PRPF38B: variants seen among roughly 807,000 people sequenced by gnomAD.
The protein encoded by PRPF38B is pre-mRNA processing factor 38B, also known as pre-mRNA-splicing factor 38B.
In PRPF38B, 18 loss-of-function variants were observed where a neutral mutation model predicts 67.2. The ratio of observed to expected loss-of-function variants is 0.27; its 90% CI spans 0.19 to 0.40. The LOEUF (loss-of-function observed/expected upper bound fraction) is 0.40, where lower values mean the gene tolerates loss of function less well. Ranked by LOEUF, PRPF38B falls within the 10% of genes least tolerant of loss-of-function variation. The probability of loss-of-function intolerance (pLI) is 1.00; values close to 1 mark genes in which losing one functional copy is unlikely to be tolerated. For missense variants in PRPF38B, 544 were observed against 684.9 expected (o/e 0.79, Z 2.30); for synonymous variants, 246 against 234.2 (o/e 1.05, Z -0.46).
At position 108,702,009 on chromosome 1, in the gene PRPF38B, TCTGA is replaced by T. The variant is rs1367932343; in HGVS notation, c.*1992_*1995del. Reference sequence around the variant, plus strand: ...ATATGGTTCCATGTGAAATGTTTTATCTGACTATTTTAAGTAAAATGTGGAAAGA... The same window carrying T: ...ATATGGTTCCATGTGAAATGTTTTATCTATTTTAAGTAAAATGTGGAAAGA... On this transcript the variant is annotated 3_prime_UTR_variant, in exon 6 of 6. Transcript: ENST00000370025. Among the ~76,000 whole-genome samples the T allele has an allele frequency of 1.3e-5, 2 of 152,242 alleles. No homozygotes were observed. The highest frequency in any genetic ancestry group is 4.8e-5 in the African/African-American group (2 of 41,460).
Position 108,692,366 on chromosome 1 carries a change from C to T in PRPF38B, c.-226C>T, listed in dbSNP as rs1231505412. The T allele has an allele frequency of 3.5e-6, 2 of 565,562 alleles. No homozygotes were observed. Among genetic ancestry groups the T allele is most frequent in the Non-Finnish European group, 6.2e-6 (2 of 322,040 alleles). The allele number at this position is 565,562 out of a possible 1,614,324, so 35.0% of individuals were successfully genotyped here. A position where few individuals can be genotyped will look rare whatever the true frequency, so the allele number is the denominator to read the frequency against. On this transcript the variant is annotated 5_prime_UTR_variant, in exon 1 of 6. Transcript: ENST00000370025. ...ATCGAGCTCCCTGGCTGCCGGCTCGCCTTCTGCGTGGAGTTCTCGCGGTCT... is the reference window on the plus strand; with the variant it reads ...ATCGAGCTCCCTGGCTGCCGGCTCGTCTTCTGCGTGGAGTTCTCGCGGTCT...
In PRPF38B at chr1:108,701,898, C is replaced by G. The variant is rs1314916558; in HGVS notation, c.*1878C>G. The G allele has an allele frequency of 6.6e-6, 1 of 152,024 alleles. No individual in the cohort carries two copies. The highest frequency in any genetic ancestry group is 2.4e-5 in the African/African-American group (1 of 41,378). The allele number at this position is 152,024 out of a possible 1,614,324, so 9.4% of individuals were successfully genotyped here. On this transcript the variant is annotated 3_prime_UTR_variant, in exon 6 of 6. Transcript: ENST00000370025. ...ATAGACACCCAGAAGTTAGAAAAAC[C>G]TATTGTATAATATGAAAGCCACTAA...
intron 1 of PRPF38B, 117 bp downstream of exon 1, chr1:108,692,984 C>T (rs779944964): frequency 1.1e-4 from 150 of 1,314,598 alleles, no homozygotes; most frequent in Non-Finnish European, 1.5e-4. Flanking sequence ...GGTGGTTCGG[C>T]GGAGGGGTGG....
chr1:108,700,723 A>C lies in PRPF38B; in HGVS notation c.*703A>C, dbSNP rs1660400478. 6.6e-6 allele frequency: 1 copy of C among 152,624 alleles called. No homozygotes were observed. Among genetic ancestry groups the C allele is most frequent in the African/African-American group, 2.4e-5 (1 of 41,448 alleles). The allele number at this position is 152,624 out of a possible 1,614,324, so 9.5% of individuals were successfully genotyped here. ...TAGTATGCCTAAAATTTATTCACTT[A>C]GTTTTCCTTTTTTATTTGAAAAAAT... On this transcript the variant is annotated 3_prime_UTR_variant, in exon 6 of 6. Transcript: ENST00000370025.
At position 108,700,289 on chromosome 1, in the gene PRPF38B, C is replaced by A. The variant is rs191395567; in HGVS notation, c.*269C>A. On this transcript the variant is annotated 3_prime_UTR_variant, in exon 6 of 6. Transcript: ENST00000370025. ...GAAATGTACAGTCTGTACATATGTC[C>A]TGAAAATGTTTTAATTCCTTTGGCA... 8 of 382,582 alleles carry A rather than the reference C, an allele frequency of 2.1e-5. No individual in the cohort carries two copies. In the Admixed American group the frequency reaches 2.8e-4, roughly 13 times the overall value. The allele number at this position is 382,582 out of a possible 1,614,324, so 23.7% of individuals were successfully genotyped here.
At position 108,692,380 on chromosome 1, in the gene PRPF38B, T is replaced by G; in HGVS notation, c.-212T>G. 2 of 571,742 alleles carry G rather than the reference T, an allele frequency of 3.5e-6. No individual in the cohort carries two copies. Among genetic ancestry groups the G allele is most frequent in the Non-Finnish European group, 6.1e-6 (2 of 328,432 alleles). The allele number at this position is 571,742 out of a possible 1,614,324, so 35.4% of individuals were successfully genotyped here. A position where few individuals can be genotyped will look rare whatever the true frequency, so the allele number is the denominator to read the frequency against. On this transcript the variant is annotated 5_prime_UTR_variant, in exon 1 of 6. Transcript: ENST00000370025. ...CTGCCGGCTCGCCTTCTGCGTGGAG[T>G]TCTCGCGGTCTGGGTTTCGCTGTCT...
chr1:108,698,861 T>C, intron 5 of PRPF38B, 34 bp downstream of exon 5: 1 of 1,532,518 alleles, frequency 6.5e-7, no homozygotes, highest in Non-Finnish European at 9.0e-7. Flanking sequence ...TTATTTTTCA[T>C]ATATGCTTTA....
chr1:108,695,981 C>T, intron 2 of PRPF38B, 62 bp from the exon 3 acceptor site: 2 of 1,520,708 alleles, frequency 1.3e-6, no homozygotes, highest in Non-Finnish European at 1.8e-6. Context: ...CAGGATTAAT[C>T]AATTGGTGTT....
chr1:108,695,612 G>A, intron 1 of PRPF38B, 90 bp from the exon 2 acceptor site: 1 of 1,237,880 alleles, frequency 8.1e-7, no homozygotes, highest in Non-Finnish European at 1.1e-6. Flanking sequence ...TGGAAGAGCT[G>A]CTCTATTATG....
chr1:108,696,221 A>G, intron 3 of PRPF38B, 27 bp downstream of exon 3: 1 of 1,611,196 alleles, frequency 6.2e-7, no homozygotes, highest in Non-Finnish European at 8.5e-7. Context: ...GTACATTTCC[A>G]GTAAATATCT....
intron 2 of PRPF38B, 121 bp from the exon 3 acceptor site, chr1:108,695,922 C>T: frequency 1.5e-6 from 2 of 1,357,990 alleles, no homozygotes; most frequent in South Asian, 2.7e-5. Context: ...AAAAGTGTTA[C>T]TTTTTAATGC....
intron 4 of PRPF38B, chr1:108,697,334 A>G (rs985629072): frequency 2.0e-5 from 3 of 152,262 alleles, no homozygotes; most frequent in Non-Finnish European, 2.9e-5. Context: ...TATTGTCCCT[A>G]TGTCTACCCA....
rs1348600635 is a variant in PRPF38B, at chr1:108,696,334, A to T, written c.555A>T (p.Glu185Asp). 3.1e-6 allele frequency: 5 copies of T among 1,608,394 alleles called. No individual in the cohort carries two copies. Among genetic ancestry groups the T allele is most frequent in the Non-Finnish European group, 1.7e-6 (2 of 1,175,982 alleles). ...GGTTTGAATCCTTCCTTGATGATGA[A>T]GAGGTATGTCAACAAGGGTAATAAT... Reference protein sequence around the residue: ...WDWFESFLDDEEDLDVKAGGG... With the variant: ...WDWFESFLDDDEDLDVKAGGG... The change falls in exon 4 of 6, where the codon GAA becomes GAT. Residue 185 changes from glutamate (E) to aspartate (D), a missense_variant. By Grantham distance (45) the Glu-to-Asp change is conservative (BLOSUM62 2). Coordinates refer to ENST00000370025, the MANE Select transcript of PRPF38B (RefSeq NM_018061.4).
intron 4 of PRPF38B, 115 bp downstream of exon 4, chr1:108,696,452 A>C: frequency 4.3e-6 from 4 of 923,534 alleles, no homozygotes; most frequent in Non-Finnish European, 6.5e-6. Context: ...AATTTATTTC[A>C]GTGAGATACT....
intron 5 of PRPF38B, 142 bp downstream of exon 5, chr1:108,698,969 TCTTC>T (rs1660158710): frequency 1.5e-6 from 2 of 1,341,594 alleles, no homozygotes; most frequent in Non-Finnish European, 2.0e-6. Context: ...AAGATTATTT[TCTTC>T]CTTTCAGGGC....
In PRPF38B at chr1:108,702,623, G is replaced by A. The variant is rs1444094408; in HGVS notation, c.*2603G>A. Among the ~76,000 whole-genome samples the A allele has an allele frequency of 1.3e-5, 2 of 151,974 alleles. No homozygotes were observed. Among genetic ancestry groups the A allele is most frequent in the African/African-American group, 2.4e-5 (1 of 41,346 alleles). On this transcript the variant is annotated 3_prime_UTR_variant, in exon 6 of 6. Transcript: ENST00000370025. ...GAACATTTGGACACGAACATCACAC[G>A]CCGGGGCCTGTTGTGGGGTGGGGGA...
At chr1:108,698,565 CTT>C (rs577281211) in intron 4 of PRPF38B, 37 bp from the exon 5 acceptor site, 1 of 1,420,100 alleles carries the variant, frequency 7.0e-7, no homozygotes, top group African/African-American at 1.4e-5. Flanking sequence ...TATGGAAATA[CTT>C]TTTTTGACGG....
rs1296583933 is a variant in PRPF38B, at chr1:108,700,251, ATTGT to A, written c.*238_*241del. The A allele has an allele frequency of 1.2e-5, 8 of 676,292 alleles. No homozygotes were observed. The highest frequency in any genetic ancestry group is 3.5e-5 in the East Asian group (1 of 28,672). The allele number at this position is 676,292 out of a possible 1,614,324, so 41.9% of individuals were successfully genotyped here. A position where few individuals can be genotyped will look rare whatever the true frequency, so the allele number is the denominator to read the frequency against. On this transcript the variant is annotated 3_prime_UTR_variant, in exon 6 of 6. Transcript: ENST00000370025. ...ATGCACAGATTGTTCTTGCATTTTT[ATTGT>A]TTGTTTTTGAAATGTACAGTCTGTA...
At chr1:108,696,832 T>C (rs1300195383) in intron 4 of PRPF38B, 8 of 694,968 alleles carry the variant, frequency 1.2e-5, no homozygotes, top group Non-Finnish European at 1.9e-5. Context: ...ATAGGCTAAG[T>C]GTTTGGATGA....
Sources: gnomAD v4.1 joint callset for allele counts (sites outside exome capture counted in the v4.1 genomes callset) on GRCh38, gnomAD v4.1.1 for gene constraint, MANE v1.5 for transcripts, NCBI Gene and HGNC (gene_info 2026-07-23, HGNC 2026-07-21) for gene names.